The following LSAMP variants were observed in gnomAD, a reference collection of about 807,000 sequenced individuals.
LSAMP encodes the protein limbic system associated membrane protein, also known as limbic system-associated membrane protein.
In LSAMP, 7 loss-of-function variants were observed where a neutral mutation model predicts 38.6. That is an observed-to-expected ratio of 0.18 (90% CI 0.10 to 0.34). The LOEUF (loss-of-function observed/expected upper bound fraction) is 0.34. LSAMP is among the 10% of genes least tolerant of loss of function. The pLI is 1.00. For missense variants in LSAMP, 313 were observed against 420.0 expected (o/e 0.75, Z 2.23); for synonymous variants, 154 against 166.8 (o/e 0.92, Z 0.59).
chr3:116,420,609 G>A (rs1325045837), intron 1 of LSAMP, among the ~76,000 whole-genome samples: 3 of 151,688 alleles, frequency 2.0e-5, no homozygotes, highest in African/African-American at 7.3e-5. Flanking sequence ...GCTCCAGACT[G>A]TAATCCCAGC....
chr3:116,142,368 CA>C (rs1350767553), intron 1 of LSAMP, among the ~76,000 whole-genome samples: 2 of 151,934 alleles, frequency 1.3e-5, no homozygotes, highest in African/African-American at 4.8e-5. Context: ...AATTAAACTC[CA>C]AAAGACATCT....
At chr3:115,905,963 G>A (rs1559875311) in intron 3 of LSAMP, among the ~76,000 whole-genome samples, 1 of 152,108 alleles carries the variant, frequency 6.6e-6, no homozygotes, top group Non-Finnish European at 1.5e-5. Flanking sequence ...CAATGCCAAG[G>A]ACATGAGACT....
At chr3:115,834,424 A>G (rs1487514560) in intron 6 of LSAMP, 2 of 653,728 alleles carry the variant, frequency 3.1e-6, no homozygotes, top group East Asian at 1.4e-4. Flanking sequence ...GCTTTTTAAA[A>G]AAGGTTTAAG....
chr3:116,314,806 G>C (rs530934859), intron 1 of LSAMP, among the ~76,000 whole-genome samples: 2 of 152,110 alleles, frequency 1.3e-5, no homozygotes, highest in South Asian at 4.1e-4. Flanking sequence ...CCATATATAG[G>C]TTCTAAGAAT....
chr3:115,993,937 A>G lies in LSAMP; in HGVS notation c.514+25578T>C, dbSNP rs1409616515. ...GTACACTCTTAGAAAAAATGCAGAG[A>G]TGTCTTCTAGGTTTGAACTTTGTTT... is the stretch of plus-strand genomic sequence containing the variant. On this transcript the variant is annotated intron_variant, in intron 3 of 6. Coordinates refer to ENST00000490035, the MANE Select transcript of LSAMP (RefSeq NM_002338.5). Among the ~76,000 whole-genome samples, 3 of 152,120 alleles carry G rather than the reference A, an allele frequency of 2.0e-5. No homozygotes were observed. In the East Asian group the frequency reaches 5.8e-4, roughly 29 times the overall value.
chr3:116,259,751 G>A (rs991245771), intron 1 of LSAMP, among the ~76,000 whole-genome samples: 15 of 151,814 alleles, frequency 9.9e-5, no homozygotes, highest in African/African-American at 3.4e-4. Context: ...ACAAGTGACT[G>A]GATAATACTT....
At chr3:116,324,711 T>G (rs529398806) in intron 1 of LSAMP, among the ~76,000 whole-genome samples, 5 of 152,168 alleles carry the variant, frequency 3.3e-5, no homozygotes, top group Non-Finnish European at 5.9e-5. Flanking sequence ...CACTTTCTCA[T>G]GAGCTAAGAG....
intron 1 of LSAMP, among the ~76,000 whole-genome samples, chr3:116,315,746 A>G (rs1490324335): frequency 6.6e-6 from 1 of 152,178 alleles, no homozygotes; most frequent in Non-Finnish European, 1.5e-5. Flanking sequence ...TATTCTTTCA[A>G]TAACTCCAGG....
intron 3 of LSAMP, among the ~76,000 whole-genome samples, chr3:115,927,474 T>A (rs1937516942): frequency 1.3e-5 from 2 of 152,202 alleles, no homozygotes; most frequent in African/African-American, 4.8e-5. Flanking sequence ...CTGCCTGGCC[T>A]GGCCATCTAT....
At chr3:115,851,181 C>T (rs1576147203) in intron 4 of LSAMP, among the ~76,000 whole-genome samples, 1 of 152,142 alleles carries the variant, frequency 6.6e-6, no homozygotes, top group Non-Finnish European at 1.5e-5. Context: ...ATCATGTTGG[C>T]CAGGCTTGTC....
At chr3:116,103,556 T>C (rs1708396394) in intron 1 of LSAMP, among the ~76,000 whole-genome samples, 2 of 138,192 alleles carry the variant, frequency 1.4e-5, no homozygotes, top group African/African-American at 3.1e-5. Flanking sequence ...TCTCATTCCA[T>C]CTTTTTTTTT....
At chr3:116,359,431 T>C (rs2048272342) in intron 1 of LSAMP, among the ~76,000 whole-genome samples, 1 of 152,208 alleles carries the variant, frequency 6.6e-6, no homozygotes, top group African/African-American at 2.4e-5. Flanking sequence ...ATAGACATCT[T>C]GGTAAAACCG....
At chr3:115,972,848 T>G (rs1243335259) in intron 3 of LSAMP, among the ~76,000 whole-genome samples, 1 of 149,670 alleles carries the variant, frequency 6.7e-6, no homozygotes, top group Non-Finnish European at 1.5e-5. Context: ...ACACATTTAA[T>G]GTATTAGCCC....
intron 1 of LSAMP, 47 bp downstream of exon 1, chr3:116,444,830 A>G: frequency 6.2e-7 from 1 of 1,611,222 alleles, no homozygotes; most frequent in South Asian, 1.1e-5. Context: ...ACACACACAC[A>G]CACACGTGTA....
At position 116,162,768 on chromosome 3, in the gene LSAMP, T is replaced by TACACACACACACACACACACACAC. The variant is rs71141856; in HGVS notation, c.156-76236_156-76213dup. 1.4e-3 allele frequency among the ~76,000 whole-genome samples: 210 copies of TACACACACACACACACACACACAC among 147,428 alleles called. 1 individual carries two copies. The highest frequency in any genetic ancestry group is 5.0e-3 in the African/African-American group (197 of 39,748). On this transcript the variant is annotated intron_variant, in intron 1 of 6. Transcript: ENST00000490035. ...TATACATATCGTATACACACACTTA[T>TACACACACACACACACACACACAC]ACACACACACACACACACACACACA... is the stretch of plus-strand genomic sequence containing the variant.
intron 3 of LSAMP, among the ~76,000 whole-genome samples, 168 bp from the exon 4 acceptor site, chr3:115,852,785 A>C (rs1935375200): frequency 6.6e-6 from 1 of 152,208 alleles, no homozygotes; most frequent in African/African-American, 2.4e-5. Context: ...CAAAAATCTT[A>C]TGAAAGTGAT....
chr3:116,268,231 GGCAA>G (rs1183833824), intron 1 of LSAMP, among the ~76,000 whole-genome samples: 1 of 151,694 alleles, frequency 6.6e-6, no homozygotes, highest in Non-Finnish European at 1.5e-5. Context: ...GTGTGTAGTA[GGCAA>G]GATGCAACCA....
intron 3 of LSAMP, among the ~76,000 whole-genome samples, chr3:116,004,908 C>G (rs1211014273): frequency 6.6e-6 from 1 of 152,090 alleles, no homozygotes; most frequent in East Asian, 1.9e-4. Flanking sequence ...GGGTGGCTTC[C>G]TAGTAGCTCC....
intron 1 of LSAMP, among the ~76,000 whole-genome samples, chr3:116,404,020 T>C (rs1576197220): frequency 6.6e-6 from 1 of 152,136 alleles, no homozygotes; most frequent in East Asian, 1.9e-4. Context: ...AGCCTTGGCC[T>C]CCCAAAGTCA....
Sources: gnomAD v4.1 joint callset for allele counts (sites outside exome capture counted in the v4.1 genomes callset) on GRCh38, gnomAD v4.1.1 for gene constraint, MANE v1.5 for transcripts, NCBI Gene and HGNC (gene_info 2026-07-23, HGNC 2026-07-21) for gene names.